ERC2: variants seen among roughly 807,000 people sequenced by gnomAD.
ERC2 encodes ELKS/RAB6-interacting/CAST family member 2.
Under a neutral mutation model 114.8 loss-of-function variants are expected in ERC2, and 42 were observed. The observed-to-expected ratio is 0.37, with a 90% CI of 0.29 to 0.47. The LOEUF is 0.47. ERC2 is among the 20% of genes least tolerant of loss of function. The pLI, the probability that ERC2 is intolerant of heterozygous loss-of-function variation, is 0.99. For synonymous variants in ERC2, 454 were observed against 425.5 expected (o/e 1.07, Z -0.82); for missense variants, 939 against 1,150.7 (o/e 0.82, Z 2.66).
At chr3:55,826,865 C>T (rs2060346441) in intron 14 of ERC2, among the ~76,000 whole-genome samples, 1 of 152,178 alleles carries the variant, frequency 6.6e-6, no homozygotes, top group African/African-American at 2.4e-5. Context: ...TGGCGAGGCA[C>T]ATTGTGCTCT....
intron 17 of ERC2, among the ~76,000 whole-genome samples, chr3:55,673,079 G>T (rs1490665329): frequency 6.6e-6 from 1 of 152,140 alleles, no homozygotes; most frequent in Non-Finnish European, 1.5e-5. Flanking sequence ...GACAAAGATT[G>T]CTCTCTGGCT....
chr3:56,142,136 T>C (rs2080891008), intron 5 of ERC2, among the ~76,000 whole-genome samples: 1 of 152,220 alleles, frequency 6.6e-6, no homozygotes, highest in Admixed American at 6.5e-5. Flanking sequence ...CGTTTCTATT[T>C]AGCTGAGTCA....
At chr3:55,832,108 C>T (rs887324507) in intron 14 of ERC2, among the ~76,000 whole-genome samples, 27 of 152,342 alleles carry the variant, frequency 1.8e-4, no homozygotes, top group African/African-American at 6.5e-4. Flanking sequence ...CCTGGAGGCT[C>T]GAACTGGGTG....
At chr3:56,252,258 A>C (rs2052213125) in intron 3 of ERC2, among the ~76,000 whole-genome samples, 6 of 152,158 alleles carry the variant, frequency 3.9e-5, no homozygotes. Flanking sequence ...CTGGCTGAAA[A>C]TTGATCTTAA....
intron 5 of ERC2, among the ~76,000 whole-genome samples, chr3:56,142,335 C>G (rs112844726): frequency 5.7e-4 from 87 of 152,226 alleles, no homozygotes; most frequent in African/African-American, 1.9e-3. Flanking sequence ...GCTTTAACCA[C>G]TCTTTTTCCT....
chr3:56,255,717 C>T (rs193236999), intron 3 of ERC2, among the ~76,000 whole-genome samples: 2 of 152,326 alleles, frequency 1.3e-5, no homozygotes, highest in East Asian at 3.9e-4. Flanking sequence ...ATCACGTCCC[C>T]TTGGATCCAT....
chr3:55,713,895 T>C (rs1206600109), intron 15 of ERC2, among the ~76,000 whole-genome samples: 1 of 152,236 alleles, frequency 6.6e-6, no homozygotes, highest in Non-Finnish European at 1.5e-5. Context: ...GAAATCTTGG[T>C]ACCCTGGTAC....
At chr3:56,311,253 CTCTA>C (rs1184070171) in intron 2 of ERC2, among the ~76,000 whole-genome samples, 2 of 43,526 alleles carry the variant, frequency 4.6e-5, no homozygotes, top group African/African-American at 1.4e-4. Flanking sequence ...CTCTCTCTCT[CTCTA>C]TATATATATA....
chr3:56,437,867 G>C (rs1157069483), intron 1 of ERC2, among the ~76,000 whole-genome samples: 2 of 152,136 alleles, frequency 1.3e-5, no homozygotes, highest in East Asian at 3.9e-4. Flanking sequence ...CTGGTGGCAG[G>C]GGGAGCAGAC....
At chr3:56,149,245 G>T in intron 4 of ERC2, 113 bp from the exon 5 acceptor site, 1 of 959,982 alleles carries the variant, frequency 1.0e-6, no homozygotes, top group Non-Finnish European at 1.5e-6. Context: ...TATTAACCAT[G>T]GTATAGACAG....
intron 17 of ERC2, among the ~76,000 whole-genome samples, chr3:55,623,781 G>A (rs2059408556): frequency 6.6e-6 from 1 of 152,202 alleles, no homozygotes; most frequent in Non-Finnish European, 1.5e-5. Context: ...TCCTGCATCA[G>A]GAATAAGAAC....
chr3:55,854,275 A>C (rs2061694732), intron 14 of ERC2, among the ~76,000 whole-genome samples: 1 of 152,206 alleles, frequency 6.6e-6, no homozygotes, highest in African/African-American at 2.4e-5. Context: ...ACTCCATCCC[A>C]GGGGAAAACA....
intron 4 of ERC2, among the ~76,000 whole-genome samples, chr3:56,169,581 G>C (rs1424394344): frequency 1.3e-5 from 2 of 152,194 alleles, no homozygotes; most frequent in Non-Finnish European, 2.9e-5. Flanking sequence ...CAAGATAAGG[G>C]ATGGAATGAG....
chr3:56,209,012 C>T (rs1575835851), intron 3 of ERC2, among the ~76,000 whole-genome samples: 1 of 152,088 alleles, frequency 6.6e-6, no homozygotes, highest in Non-Finnish European at 1.5e-5. Context: ...ACAGTATAGA[C>T]ATAGTCAAAT....
intron 3 of ERC2, among the ~76,000 whole-genome samples, chr3:56,182,797 C>T (rs2083358874): frequency 6.6e-6 from 1 of 152,182 alleles, no homozygotes; most frequent in Non-Finnish European, 1.5e-5. Flanking sequence ...TCATTATAGG[C>T]ACTTCCCTAT....
At chr3:55,699,006 C>A (rs1485197226) in intron 16 of ERC2, among the ~76,000 whole-genome samples, 1 of 152,112 alleles carries the variant, frequency 6.6e-6, no homozygotes, top group Non-Finnish European at 1.5e-5. Flanking sequence ...AAGTGCTCAG[C>A]GAACTCAAGG....
At chr3:56,245,305 C>T (rs1226882770) in intron 3 of ERC2, among the ~76,000 whole-genome samples, 1 of 152,020 alleles carries the variant, frequency 6.6e-6, no homozygotes, top group Non-Finnish European at 1.5e-5. Context: ...ATGAATTCAA[C>T]TCACTATGAG....
intron 13 of ERC2, among the ~76,000 whole-genome samples, chr3:55,915,991 A>G (rs1051043799): frequency 1.3e-5 from 2 of 152,180 alleles, no homozygotes; most frequent in African/African-American, 4.8e-5. Context: ...ATGCATATTC[A>G]TAGTATTTGT....
chr3:55,611,377 G>C (rs541827555), intron 17 of ERC2, among the ~76,000 whole-genome samples: 1 of 152,316 alleles, frequency 6.6e-6, no homozygotes, highest in South Asian at 2.1e-4. Flanking sequence ...CAGAATAGTG[G>C]GGTTCCAATG....
Sources: allele counts gnomAD v4.1 joint callset (sites outside exome capture counted in the v4.1 genomes callset), GRCh38; gene constraint gnomAD v4.1.1; transcripts MANE v1.5; gene names NCBI Gene and HGNC (gene_info 2026-07-23, HGNC 2026-07-21).